DNAH9: variants seen among roughly 807,000 people sequenced by gnomAD.
The protein encoded by DNAH9 is dynein axonemal heavy chain 9.
In DNAH9, 345 loss-of-function variants were observed where a neutral mutation model predicts 471.6. The ratio of observed to expected loss-of-function variants is 0.73; its 90% CI spans 0.67 to 0.80. The LOEUF is 0.80. Ranked by LOEUF, DNAH9 falls within the 30% of genes least tolerant of loss-of-function variation. DNAH9 has a pLI of 0.00. For missense variants in DNAH9, 5,407 were observed against 5,609.2 expected (o/e 0.96, Z 1.15); for synonymous variants, 2,093 against 2,123.6 (o/e 0.99, Z 0.40).
intron 61 of DNAH9, among the ~76,000 whole-genome samples, chr17:11,912,634 C>T (rs1356332805): frequency 6.6e-6 from 1 of 152,010 alleles, no homozygotes; most frequent in Non-Finnish European, 1.5e-5. Flanking sequence ...GTTAAACCAA[C>T]CTTGCATTCC....
chr17:11,814,068 A>G (rs1394061099), intron 45 of DNAH9, among the ~76,000 whole-genome samples: 1 of 152,148 alleles, frequency 6.6e-6, no homozygotes, highest in East Asian at 1.9e-4. Context: ...GCTGGATCTG[A>G]AAGGTTCATT....
At position 11,732,892 on chromosome 17, in the gene DNAH9, G is replaced by A. The variant is rs142219484; in HGVS notation, c.5814+4970G>A. On this transcript the variant is annotated intron_variant, in intron 28 of 68. Coordinates refer to ENST00000262442, the MANE Select transcript of DNAH9 (RefSeq NM_001372.4). ...TGGGTTGGGCAGAGGCAGGAAGCAA[G>A]TAGAAGCAGAAGATCAGTCAGCAAA... Among the ~76,000 whole-genome samples, 481 of 152,268 alleles carry A rather than the reference G, an allele frequency of 3.2e-3. 3 individuals are homozygous for A. The highest frequency in any genetic ancestry group is 0.011 in the African/African-American group (448 of 41,566).
chr17:11,810,252 C>G lies in DNAH9; in HGVS notation c.8590C>G (p.Leu2864Val). The stretch of plus-strand genomic sequence containing the variant: ...ATATTGACCATTCCTACAGATGGAC[C>G]TGGCCAGCCTGTGTCTGAAAGCTGG... ...GYQIQDFKMD[L>V]ASLCLKAGVK... is the part of the protein sequence containing the mutation. The change falls in exon 45 of 69, where the codon CTG becomes GTG. Residue 2864 changes from leucine to valine, a missense_variant. Physicochemically the swap from Leu to Val is conservative, Grantham distance 32. Transcript: ENST00000262442. The G allele has an allele frequency of 6.2e-7, 1 of 1,612,104 alleles. No homozygotes were observed. The highest frequency in any genetic ancestry group is 8.5e-7 in the Non-Finnish European group (1 of 1,179,152).
In DNAH9 at chr17:11,619,611, C is replaced by A. The variant is rs746017711; in HGVS notation, c.1180C>A (p.Leu394Met). The A allele has an allele frequency of 6.2e-7, 1 of 1,614,196 alleles. No homozygotes were observed. Among genetic ancestry groups the A allele is most frequent in the South Asian group, 1.1e-5 (1 of 91,088 alleles). Residue 394 changes from leucine (L) to methionine (M), a missense_variant, in exon 6 of 69, where the codon CTG (leucine) becomes ATG (methionine). This residue lies in a region of DNAH9 where 767 missense variants were observed against 692.5 expected (regional missense o/e 1.11). Coordinates refer to ENST00000262442, the MANE Select transcript of DNAH9 (RefSeq NM_001372.4). ...TGAGGTAGAAGAAAGTCAGAGAAAA[C>A]TGCAAGTGGTCTCAGACACTTTGAG... ...RSEVEESQRK[L>M]QVVSDTLSFF...
At chr17:11,604,630 A>G (rs1445412782) in intron 1 of DNAH9, among the ~76,000 whole-genome samples, 2 of 151,972 alleles carry the variant, frequency 1.3e-5, no homozygotes, top group Non-Finnish European at 2.9e-5. Context: ...ACTCCTCCCC[A>G]CATCAGTTGA....
At chr17:11,693,769 A>C in intron 20 of DNAH9, 99 bp from the exon 21 acceptor site, 1 of 1,284,240 alleles carries the variant, frequency 7.8e-7, no homozygotes, top group Non-Finnish European at 1.1e-6. Context: ...TGTATTTGAC[A>C]ACCCAGGAAC....
intron 45 of DNAH9, among the ~76,000 whole-genome samples, chr17:11,819,486 C>T (rs1241334566): frequency 1.3e-5 from 2 of 151,838 alleles, no homozygotes. Flanking sequence ...GGCGCAATCT[C>T]GGCTCACTGC....
rs1200288744 is a variant in DNAH9, at chr17:11,707,998, CACACACACACACACACAGAGAGAG to C, written c.5552+2815_5552+2838del. Among the ~76,000 whole-genome samples, 484 of 60,280 alleles carry C rather than the reference CACACACACACACACACAGAGAGAG, an allele frequency of 8.0e-3. 2 individuals carry two copies. Among genetic ancestry groups the C allele is most frequent in the African/African-American group, 0.013 (328 of 25,060 alleles). 39.5% of individuals were successfully genotyped at this position (60,280 alleles called of 152,430 possible). ...ACACACACACACACACACACACACA[CACACACACACACACACAGAGAGAG>C]AGAGAGAGAGAGAGAGAGAGAGAGA... On this transcript the variant is annotated intron_variant, in intron 26 of 68. Transcript: ENST00000262442.
chr17:11,887,682 C>G (rs1278294507), intron 57 of DNAH9, among the ~76,000 whole-genome samples: 1 of 151,936 alleles, frequency 6.6e-6, no homozygotes, highest in Non-Finnish European at 1.5e-5. Flanking sequence ...CACAGAGAAA[C>G]AGGAGAGAGA....
intron 9 of DNAH9, among the ~76,000 whole-genome samples, chr17:11,637,472 C>T (rs953510765): frequency 1.3e-5 from 2 of 152,130 alleles, no homozygotes; most frequent in South Asian, 2.1e-4. Context: ...ATGGTGCGAA[C>T]CCCTAGTCCT....
intron 62 of DNAH9, among the ~76,000 whole-genome samples, chr17:11,929,018 T>TA (rs1974416062): frequency 6.7e-6 from 1 of 148,754 alleles, no homozygotes; most frequent in Non-Finnish European, 1.5e-5. Flanking sequence ...GACCAAGTGT[T>TA]ACAGCCTTTT....
chr17:11,618,743 C>A (rs140442511), intron 5 of DNAH9, among the ~76,000 whole-genome samples: 1 of 152,234 alleles, frequency 6.6e-6, no homozygotes, highest in East Asian at 1.9e-4. Context: ...AATACTGTTA[C>A]ATTCATGATT....
Position 11,807,896 on chromosome 17 carries a change from T to C in DNAH9, c.8583+2T>C. On this transcript the variant is annotated splice_donor_variant, in intron 44 of 68. Transcript: ENST00000262442. LOFTEE classifies it high-confidence loss of function. ...GGCTACCAGATCCAGGACTTCAAGG[T>C]AAAAGGTCAGGCAGCTGCAGGGAGG... The C allele has an allele frequency of 1.3e-6, 2 of 1,599,190 alleles. No homozygotes were observed. Among genetic ancestry groups the C allele is most frequent in the Non-Finnish European group, 1.7e-6 (2 of 1,167,840 alleles).
intron 14 of DNAH9, among the ~76,000 whole-genome samples, chr17:11,653,462 G>A (rs2073558666): frequency 6.6e-6 from 1 of 152,196 alleles, no homozygotes; most frequent in Non-Finnish European, 1.5e-5. Context: ...AAAATGCAGA[G>A]TGCTACACTT....
chr17:11,809,629 C>T (rs551867235), intron 44 of DNAH9, among the ~76,000 whole-genome samples: 1 of 152,182 alleles, frequency 6.6e-6, no homozygotes, highest in East Asian at 1.9e-4. Flanking sequence ...TATTCATCCG[C>T]CATGCTGGTA....
At position 11,966,330 on chromosome 17, in the gene DNAH9, G is replaced by C. The variant is rs369254066; in HGVS notation, c.13234-2970G>C. Among the ~76,000 whole-genome samples the C allele has an allele frequency of 2.0e-5, 3 of 152,300 alleles. No homozygotes were observed. In the East Asian group the frequency reaches 5.8e-4, roughly 29 times the overall value. ...CATAGTCAAAATGCTGAAAGAAAAAGACTATCTGCCAAGAATCCTACCTGC... is the reference window on the plus strand; with the variant it reads ...CATAGTCAAAATGCTGAAAGAAAAACACTATCTGCCAAGAATCCTACCTGC... On this transcript the variant is annotated intron_variant, in intron 68 of 68. Transcript: ENST00000262442.
intron 28 of DNAH9, among the ~76,000 whole-genome samples, chr17:11,728,567 A>G (rs1390581136): frequency 2.0e-5 from 3 of 151,254 alleles, no homozygotes; most frequent in Non-Finnish European, 2.9e-5. Flanking sequence ...CTTGAGATAG[A>G]CGTGAGTACT....
chr17:11,822,383 C>A, intron 46 of DNAH9, 55 bp from the exon 47 acceptor site: 1 of 1,600,576 alleles, frequency 6.2e-7, no homozygotes, highest in Non-Finnish European at 8.5e-7. Context: ...ATCTGCCTCT[C>A]CGTGAGTATT....
chr17:11,727,958 T>G, intron 28 of DNAH9, 36 bp downstream of exon 28: 2 of 1,315,234 alleles, frequency 1.5e-6, no homozygotes, highest in South Asian at 2.4e-5. Flanking sequence ...CTTGTGGTCT[T>G]CATATTGATT....
Sources: allele counts gnomAD v4.1 joint callset (sites outside exome capture counted in the v4.1 genomes callset), GRCh38; gene constraint gnomAD v4.1.1; regional missense constraint gnomAD v4.1.1; transcripts MANE v1.5; gene names NCBI Gene and HGNC (gene_info 2026-07-23, HGNC 2026-07-21).